Variants in RUNX2 observed in about 807,000 individuals in gnomAD.
The protein encoded by RUNX2 is runt-related transcription factor 2.
A neutral mutation model predicts 51.7 loss-of-function variants in RUNX2; 10 were observed. That is an observed-to-expected ratio of 0.19 (90% confidence interval 0.12 to 0.33). The LOEUF (loss-of-function observed/expected upper bound fraction) is 0.33. Among genes scored for constraint, RUNX2 ranks in the 10% least tolerant of loss-of-function variants. RUNX2 has a pLI of 1.00. For synonymous variants in RUNX2, 276 were observed against 273.6 expected (o/e 1.01, Z -0.09); for missense variants, 562 against 691.3 (o/e 0.81, Z 2.10).
chr6:45,452,900 A>C (rs981096387), intron 5 of RUNX2, among the ~76,000 whole-genome samples: 22 of 152,208 alleles, frequency 1.4e-4, no homozygotes, highest in African/African-American at 5.3e-4. Flanking sequence ...TCCATGGCTC[A>C]TTAAGAACAT....
At chr6:45,536,641 G>A (rs1802043989) in intron 7 of RUNX2, among the ~76,000 whole-genome samples, 1 of 152,224 alleles carries the variant, frequency 6.6e-6, no homozygotes, top group African/African-American at 2.4e-5. Flanking sequence ...GCTGCCTGCA[G>A]CGGACTCTTC....
At chr6:45,329,881 T>C (rs1787109428) in intron 2 of RUNX2, among the ~76,000 whole-genome samples, 1 of 151,870 alleles carries the variant, frequency 6.6e-6, no homozygotes, top group African/African-American at 2.4e-5. Flanking sequence ...AAGGCAAGTT[T>C]TCAAAAATTT....
rs1310470522 is a variant in RUNX2, at chr6:45,547,165, A to G, written c.1426A>G (p.Thr476Ala). Residue 476 changes from threonine (T) to alanine (A), a missense_variant, in exon 9 of 9, where the codon ACC (threonine) becomes GCC (alanine). Thr to Ala is a moderately conservative substitution (Grantham distance 58). This residue lies in a region of RUNX2 where 304 missense variants were observed against 353.2 expected (regional missense o/e 0.86). Coordinates refer to ENST00000647337, the MANE Select transcript of RUNX2 (RefSeq NM_001024630.4). The part of the protein sequence containing the change: ...PSRMLPPCTT[T>A]SNGSTLLNPN... ...CAGAATGCTTCCGCCATGCACCACC[A>G]CCTCGAATGGCAGCACGCTATTAAA... The G allele has an allele frequency of 1.9e-6, 3 of 1,613,942 alleles. No homozygotes were observed. The highest frequency in any genetic ancestry group is 1.1e-5 in the South Asian group (1 of 91,042).
intron 7 of RUNX2, among the ~76,000 whole-genome samples, chr6:45,543,499 A>G (rs528645653): frequency 5.9e-5 from 9 of 152,310 alleles, no homozygotes; most frequent in African/African-American, 1.9e-4. Context: ...GGGAGCTCTG[A>G]GCGTACCAGG....
rs115410240 is a variant in RUNX2, at chr6:45,344,190, G to A, written c.58+15406G>A. Among the ~76,000 whole-genome samples, 1,386 of 152,314 alleles carry A rather than the reference G, an allele frequency of 9.1e-3. 11 individuals carry two copies. The highest frequency in any genetic ancestry group is 0.013 in the Non-Finnish European group (915 of 68,014). ...CTAAATACTTAGTAGTATACAAAGA[G>A]TTAGACCATGACAAAGTTCCTAGAA... is the stretch of plus-strand genomic sequence containing the variant. On this transcript the variant is annotated intron_variant, in intron 2 of 8. Coordinates refer to ENST00000647337, the MANE Select transcript of RUNX2 (RefSeq NM_001024630.4).
chr6:45,525,733 A>G (rs529316285), intron 7 of RUNX2, among the ~76,000 whole-genome samples: 113 of 152,274 alleles, frequency 7.4e-4, no homozygotes, highest in African/African-American at 2.5e-3. Context: ...GGTGGCTCAC[A>G]TTTGTAATCC....
chr6:45,376,045 C>T (rs1267804907), intron 2 of RUNX2, among the ~76,000 whole-genome samples: 6 of 152,102 alleles, frequency 3.9e-5, no homozygotes, highest in Admixed American at 6.6e-5. Flanking sequence ...ACTGAAAAAC[C>T]AACCAAAGTG....
chr6:45,479,459 C>A (rs78717600), intron 5 of RUNX2, among the ~76,000 whole-genome samples: 2 of 152,184 alleles, frequency 1.3e-5, no homozygotes, highest in Admixed American at 6.5e-5. Context: ...CTTGAGAGGA[C>A]GGTATCCCTA....
At chr6:45,501,886 CA>C (rs983168233) in intron 6 of RUNX2, among the ~76,000 whole-genome samples, 3 of 152,132 alleles carry the variant, frequency 2.0e-5, no homozygotes, top group African/African-American at 7.2e-5. Context: ...TTAGTTTCAG[CA>C]ACTTAGATTT....
At chr6:45,400,642 TCC>T (rs1797694396) in intron 2 of RUNX2, among the ~76,000 whole-genome samples, 1 of 152,210 alleles carries the variant, frequency 6.6e-6, no homozygotes, top group Non-Finnish European at 1.5e-5. Flanking sequence ...TTTGGGTTCT[TCC>T]CATTGTCTTA....
intron 7 of RUNX2, among the ~76,000 whole-genome samples, chr6:45,538,995 T>TA (rs1802132923): frequency 6.6e-6 from 1 of 152,144 alleles, no homozygotes; most frequent in African/African-American, 2.4e-5. Flanking sequence ...AATCAAGGCC[T>TA]AGCAGGAAGA....
intron 2 of RUNX2, among the ~76,000 whole-genome samples, chr6:45,382,272 C>T (rs775850855): frequency 7.2e-5 from 11 of 152,156 alleles, no homozygotes; most frequent in Non-Finnish European, 1.3e-4. Context: ...AAACATATGC[C>T]ATCATCAAAC....
chr6:45,514,458 T>G (rs1801258449), intron 7 of RUNX2, among the ~76,000 whole-genome samples: 1 of 152,224 alleles, frequency 6.6e-6, no homozygotes, highest in South Asian at 2.1e-4. Flanking sequence ...TGGTTTAAAC[T>G]GGTTTATACT....
At chr6:45,381,343 G>C (rs115348449) in intron 2 of RUNX2, among the ~76,000 whole-genome samples, 1 of 152,186 alleles carries the variant, frequency 6.6e-6, no homozygotes, top group Non-Finnish European at 1.5e-5. Context: ...TTCAAAATGG[G>C]AATAGCCAAA....
chr6:45,415,965 A>G (rs1359118277), intron 2 of RUNX2, among the ~76,000 whole-genome samples: 3 of 152,242 alleles, frequency 2.0e-5, no homozygotes, highest in African/African-American at 7.2e-5. Context: ...AAGATAATTC[A>G]GGAGAATCAT....
Position 45,547,209 on chromosome 6 carries a change from G to A in RUNX2, c.1470G>A (p.Gln490=), listed in dbSNP as rs1043133501. 3.1e-6 allele frequency: 5 copies of A among 1,614,018 alleles called. No homozygotes were observed. The African/African-American group carries it at 6.7e-5, about 22-fold the overall frequency. The change falls in exon 9 of 9, where the codon CAG becomes CAA. Residue 490 remains glutamine, a synonymous_variant. Coordinates refer to ENST00000647337, the MANE Select transcript of RUNX2 (RefSeq NM_001024630.4). The part of the protein sequence containing the change: ...STLLNPNLPN[Q]NDGVDADGSH... ...TATTAAATCCAAATTTGCCTAACCA[G>A]AATGATGGTGTTGACGCTGATGGAA... is the stretch of plus-strand genomic sequence containing the variant.
chr6:45,378,391 A>G lies in RUNX2; in HGVS notation c.59-44202A>G, dbSNP rs540113592. Among the ~76,000 whole-genome samples, 43 of 152,270 alleles carry G rather than the reference A, an allele frequency of 2.8e-4. 2 individuals carry two copies. Among genetic ancestry groups the G allele is most frequent in the Admixed American group, 6.5e-4 (10 of 15,288 alleles). ...CAGGAATTGGAGTGAACGGGATCTTAATGGGATTGCGCGTTTACAATGGTG... is the reference window on the plus strand; with the variant it reads ...CAGGAATTGGAGTGAACGGGATCTTGATGGGATTGCGCGTTTACAATGGTG... On this transcript the variant is annotated intron_variant, in intron 2 of 8. Transcript: ENST00000647337.
At chr6:45,437,549 G>T (rs904202769) in intron 4 of RUNX2, among the ~76,000 whole-genome samples, 1 of 152,102 alleles carries the variant, frequency 6.6e-6, no homozygotes, top group Non-Finnish European at 1.5e-5. Context: ...TTGTTCTCTC[G>T]TGAGGTCATG....
intron 2 of RUNX2, among the ~76,000 whole-genome samples, chr6:45,345,721 T>C (rs1227202825): frequency 6.6e-6 from 1 of 152,210 alleles, no homozygotes; most frequent in Non-Finnish European, 1.5e-5. Context: ...TGATGCATTA[T>C]CAATTCTTCT....
Sources: gnomAD v4.1 joint callset for allele counts (sites outside exome capture counted in the v4.1 genomes callset) on GRCh38, gnomAD v4.1.1 for gene constraint, gnomAD v4.1.1 regional missense constraint, MANE v1.5 for transcripts, NCBI Gene and HGNC (gene_info 2026-07-23, HGNC 2026-07-21) for gene names.